The following MACROD2 variants were observed in gnomAD, a reference collection of about 807,000 sequenced individuals.
MACROD2 encodes the protein ADP-ribose glycohydrolase MACROD2.
In MACROD2, 36 loss-of-function variants were observed where a neutral mutation model predicts 70.4. The ratio of observed to expected loss-of-function variants is 0.51; its 90% CI spans 0.39 to 0.68. The LOEUF (loss-of-function observed/expected upper bound fraction) is 0.68. Ranked by LOEUF, MACROD2 falls within the 30% of genes least tolerant of loss-of-function variation. The probability of loss-of-function intolerance (pLI) is 0.00; values close to 1 mark genes in which losing one functional copy is unlikely to be tolerated. For synonymous variants in MACROD2, 172 were observed against 178.8 expected, an observed-to-expected ratio of 0.96 and a Z score of 0.30; for missense variants, 496 against 538.4, an observed-to-expected ratio of 0.92 and a Z score of 0.78.
At chr20:15,196,941 A>G in intron 5 of MACROD2, 1 of 985,438 alleles carries the variant, frequency 1.0e-6, no homozygotes, top group Non-Finnish European at 1.2e-6. Context: ...AAAACCTTTA[A>G]AAATTGGAGC....
intron 3 of MACROD2, among the ~76,000 whole-genome samples, chr20:14,312,793 T>G (rs1262574331): frequency 6.6e-6 from 1 of 152,220 alleles, no homozygotes; most frequent in African/African-American, 2.4e-5. Flanking sequence ...TCAGAGATAT[T>G]AAGTATTTTG....
intron 8 of MACROD2, among the ~76,000 whole-genome samples, chr20:15,557,406 G>T (rs1041387531): frequency 3.5e-4 from 54 of 152,250 alleles, no homozygotes; most frequent in African/African-American, 1.3e-3. Flanking sequence ...CACTTCAGAT[G>T]CAGAGAGAGA....
intron 3 of MACROD2, among the ~76,000 whole-genome samples, chr20:14,301,198 A>C (rs1469399327): frequency 3.3e-5 from 5 of 152,212 alleles, no homozygotes; most frequent in Admixed American, 3.3e-4. Context: ...TAGAACCCAC[A>C]CATTTAACCA....
intron 3 of MACROD2, among the ~76,000 whole-genome samples, chr20:14,464,543 G>C (rs576306288): frequency 6.6e-6 from 1 of 151,962 alleles, no homozygotes; most frequent in African/African-American, 2.4e-5. Flanking sequence ...CTTCAGTTCT[G>C]CTCCGATCTT....
At chr20:14,579,870 C>G (rs2123343877) in intron 4 of MACROD2, among the ~76,000 whole-genome samples, 1 of 152,244 alleles carries the variant, frequency 6.6e-6, no homozygotes, top group East Asian at 1.9e-4. Flanking sequence ...TCTCAGGATG[C>G]TAAAGAGGCA....
intron 8 of MACROD2, among the ~76,000 whole-genome samples, chr20:15,831,626 G>C (rs910841946): frequency 2.0e-5 from 3 of 152,086 alleles, no homozygotes; most frequent in African/African-American, 4.8e-5. Context: ...CTGCTTGCCT[G>C]TTCTGTCTCT....
At chr20:14,513,276 T>A (rs1367994508) in intron 4 of MACROD2, among the ~76,000 whole-genome samples, 1 of 152,176 alleles carries the variant, frequency 6.6e-6, no homozygotes, top group Non-Finnish European at 1.5e-5. Context: ...CCATAAATTC[T>A]CTGAGCAAAT....
chr20:15,683,453 C>A (rs559407328), intron 8 of MACROD2, among the ~76,000 whole-genome samples: 57 of 152,204 alleles, frequency 3.7e-4, no homozygotes, highest in African/African-American at 1.3e-3. Context: ...AAAATACTTT[C>A]AAAGCATATA....
intron 8 of MACROD2, among the ~76,000 whole-genome samples, chr20:15,673,378 G>A (rs1002965666): frequency 6.6e-6 from 1 of 152,108 alleles, no homozygotes; most frequent in African/African-American, 2.4e-5. Context: ...ATCAGGGAGG[G>A]AAATCAAACC....
At chr20:14,722,474 A>G (rs1286119419) in intron 5 of MACROD2, among the ~76,000 whole-genome samples, 1 of 152,146 alleles carries the variant, frequency 6.6e-6, no homozygotes, top group African/African-American at 2.4e-5. Context: ...TTCCCCCTGT[A>G]CTTTCCTCAC....
chr20:15,643,977 G>A (rs2049501621), intron 8 of MACROD2, among the ~76,000 whole-genome samples: 1 of 152,194 alleles, frequency 6.6e-6, no homozygotes, highest in Admixed American at 6.5e-5. Flanking sequence ...AAAGGATAAT[G>A]CCTCTCTCCC....
chr20:14,169,929 T>A (rs1468556757), intron 3 of MACROD2, among the ~76,000 whole-genome samples: 1 of 152,134 alleles, frequency 6.6e-6, no homozygotes, highest in African/African-American at 2.4e-5. Context: ...AGTCTCGCTC[T>A]GTCGCCCAGG....
chr20:15,947,062 C>T (rs1194574669), intron 12 of MACROD2, among the ~76,000 whole-genome samples: 1 of 152,170 alleles, frequency 6.6e-6, no homozygotes, highest in Admixed American at 6.5e-5. Context: ...GCATTGCTGC[C>T]AACGTGTCTC....
chr20:14,794,732 A>G (rs1050119416), intron 5 of MACROD2, among the ~76,000 whole-genome samples: 25 of 152,142 alleles, frequency 1.6e-4, no homozygotes, highest in African/African-American at 6.0e-4. Context: ...ACAAATGTTT[A>G]CTGGGGTCTT....
At chr20:14,258,998 A>C (rs906705389) in intron 3 of MACROD2, among the ~76,000 whole-genome samples, 3 of 152,184 alleles carry the variant, frequency 2.0e-5, no homozygotes, top group Non-Finnish European at 2.9e-5. Flanking sequence ...GCTGGAGTGC[A>C]GTAGCATGAT....
chr20:15,569,714 G>A (rs1220556971), intron 8 of MACROD2, among the ~76,000 whole-genome samples: 1 of 152,124 alleles, frequency 6.6e-6, no homozygotes, highest in Non-Finnish European at 1.5e-5. Flanking sequence ...TTTTGAAGTG[G>A]TAGCTTCACA....
chr20:15,314,411 C>A (rs1409565832), intron 6 of MACROD2, among the ~76,000 whole-genome samples: 1 of 152,080 alleles, frequency 6.6e-6, no homozygotes, highest in Non-Finnish European at 1.5e-5. Flanking sequence ...GGCAACATGG[C>A]AAGACACCAT....
At chr20:14,978,374 C>T (rs1401469539) in intron 5 of MACROD2, among the ~76,000 whole-genome samples, 3 of 43,188 alleles carry the variant, frequency 6.9e-5, no homozygotes, top group Non-Finnish European at 1.8e-4. Context: ...CTCCGCGCCC[C>T]GCCCCCCCCA....
chr20:14,788,086 A>G (rs2123796258), intron 5 of MACROD2, among the ~76,000 whole-genome samples: 1 of 152,236 alleles, frequency 6.6e-6, no homozygotes, highest in East Asian at 1.9e-4. Context: ...CCTGTGAAAA[A>G]TAAAGCAAAT....
Sources: gnomAD v4.1 joint callset for allele counts (sites outside exome capture counted in the v4.1 genomes callset) on GRCh38, gnomAD v4.1.1 for gene constraint, MANE v1.5 for transcripts, NCBI Gene and HGNC (gene_info 2026-07-23, HGNC 2026-07-21) for gene names.